Variants in KNSTRN observed in about 807,000 individuals in gnomAD.
The protein encoded by KNSTRN is small kinetochore-associated protein.
KNSTRN carries 38 observed loss-of-function variants against 44.7 expected under a neutral mutation model. That is an observed-to-expected ratio of 0.85 (90% CI 0.66 to 1.11). KNSTRN has a LOEUF of 1.11. Among genes scored for constraint, KNSTRN ranks in the 50% most tolerant of loss-of-function variants. The probability of loss-of-function intolerance (pLI) is 0.00; values close to 1 mark genes in which losing one functional copy is unlikely to be tolerated. For missense variants in KNSTRN, 406 were observed against 375.8 expected (o/e 1.08, Z -0.66); for synonymous variants, 158 against 148.1 (o/e 1.07, Z -0.48).
At chr15:40,391,840 C>A (rs916673453) in intron 7 of KNSTRN, 109 bp from the exon 8 acceptor site, 1 of 834,242 alleles carries the variant, frequency 1.2e-6, no homozygotes, top group Non-Finnish European at 1.9e-6. Context: ...TATCAAATTT[C>A]TCTCCTGACT....
intron 6 of KNSTRN, among the ~76,000 whole-genome samples, 179 bp downstream of exon 6, chr15:40,390,108 C>T (rs1461298509): frequency 6.6e-6 from 1 of 152,200 alleles, no homozygotes. Context: ...TTTGCCTGGC[C>T]AATAGGATTT....
intron 4 of KNSTRN, 161 bp downstream of exon 4, chr15:40,387,367 T>A: frequency 1.5e-6 from 1 of 683,092 alleles, no homozygotes; most frequent in Non-Finnish European, 2.7e-6. Flanking sequence ...CACAGCTAGG[T>A]GTAAGAACCA....
At chr15:40,391,619 G>C in intron 7 of KNSTRN, 65 bp downstream of exon 7, 1 of 1,325,420 alleles carries the variant, frequency 7.5e-7, no homozygotes. Context: ...AATCTAAGAA[G>C]GTCTCTGCTA....
rs201814444 is a variant in KNSTRN, at chr15:40,393,493, A to C, written c.847A>C (p.Lys283Gln). Residue 283 changes from lysine to glutamine, a missense_variant, in exon 9 of 9, where the codon AAA becomes CAA. Coordinates refer to ENST00000249776, the MANE Select transcript of KNSTRN (RefSeq NM_033286.4). ...GGCCTTAAAGGTAAAGCTGGAGATG[A>C]AAGAGGAAAGAGTCCGATTCCTAGA... Reference protein sequence around the residue: ...LQALKVKLEMKEERVRFLEQQ... With the variant: ...LQALKVKLEMQEERVRFLEQQ... The C allele has an allele frequency of 4.5e-5, 72 of 1,613,734 alleles. No individual in the cohort carries two copies. Among genetic ancestry groups the C allele is most frequent in the Non-Finnish European group, 5.9e-5 (70 of 1,179,940 alleles).
At chr15:40,392,980 T>C (rs1890026924) in intron 8 of KNSTRN, among the ~76,000 whole-genome samples, 1 of 151,340 alleles carries the variant, frequency 6.6e-6, no homozygotes, top group Non-Finnish European at 1.5e-5. Context: ...AGTCTTCATT[T>C]GGATTTTAGC....
At chr15:40,392,563 A>G (rs960075189) in intron 8 of KNSTRN, among the ~76,000 whole-genome samples, 1 of 152,198 alleles carries the variant, frequency 6.6e-6, no homozygotes, top group African/African-American at 2.4e-5. Context: ...GTGGTGGTAC[A>G]TACCTGTAGT....
rs73399322 is a variant in KNSTRN, at chr15:40,382,977, A to G, written c.142A>G (p.Thr48Ala). ...GGCGGCCGACTTAGCCGGTGGCACG[A>G]CAGTTGCTGCAGGGAATCTTTTAAA... ...TQAADLAGGT[T>A]VAAGNLLNES... Residue 48 changes from threonine to alanine, a missense_variant, in exon 1 of 9, where the codon ACA becomes GCA. Transcript: ENST00000249776. The G allele has an allele frequency of 2.3e-4, 364 of 1,612,194 alleles. No individual in the cohort carries two copies. The African/African-American group carries it at 4.6e-3, about 20-fold the overall frequency.
chr15:40,391,737 G>A, intron 7 of KNSTRN, 183 bp downstream of exon 7: 1 of 665,042 alleles, frequency 1.5e-6, no homozygotes, highest in South Asian at 2.0e-5. Flanking sequence ...GTAGCTTTGT[G>A]CTTACAAATA....
chr15:40,385,632 C>G (rs1209451462), intron 2 of KNSTRN, among the ~76,000 whole-genome samples: 1 of 152,168 alleles, frequency 6.6e-6, no homozygotes, highest in Non-Finnish European at 1.5e-5. Context: ...GGAAGACATT[C>G]TAGTAAAAAC....
In KNSTRN at chr15:40,393,861, T is replaced by G. The variant is rs1890045287; in HGVS notation, c.*264T>G. 3.9e-6 allele frequency: 1 copy of G among 253,592 alleles called. No individual in the cohort carries two copies. The highest frequency in any genetic ancestry group is 5.2e-5 in the Admixed American group (1 of 19,278). 15.7% of individuals were successfully genotyped at this position (253,592 alleles called of 1,614,324 possible). A position where few individuals can be genotyped will look rare whatever the true frequency, so the allele number is the denominator to read the frequency against. On this transcript the variant is annotated 3_prime_UTR_variant, in exon 9 of 9. Transcript: ENST00000249776. ...GAGAGGGGAGCCTAGGAGCTTGGAT[T>G]GACCTTCTAGTCAACCACCTGACTT...
Position 40,386,488 on chromosome 15 carries a change from A to C in KNSTRN, c.431A>C (p.Glu144Ala). 6.2e-7 allele frequency: 1 copy of C among 1,614,100 alleles called. No individual in the cohort carries two copies. Reference protein sequence around the residue: ...DVTKITKLRRENGQMKATDTA... With the variant: ...DVTKITKLRRANGQMKATDTA... ...ACAAAAATCACCAAACTGAGACGAG[A>C]GAATGGGTGAGAACGGATCATTAGT... is the stretch of plus-strand genomic sequence containing the variant. The change falls in exon 3 of 9, where the codon GAG becomes GCG. Residue 144 changes from glutamate to alanine, a missense_variant. Coordinates refer to ENST00000249776, the MANE Select transcript of KNSTRN (RefSeq NM_033286.4).
chr15:40,391,257 G>C (rs547515028), intron 6 of KNSTRN, among the ~76,000 whole-genome samples: 1 of 152,308 alleles, frequency 6.6e-6, no homozygotes, highest in Non-Finnish European at 1.5e-5. Context: ...TAAGGAGAAA[G>C]TATACCGAAT....
At chr15:40,387,023 A>C (rs1566922607) in intron 3 of KNSTRN, 136 bp from the exon 4 acceptor site, 1 of 706,224 alleles carries the variant, frequency 1.4e-6, no homozygotes, top group Non-Finnish European at 2.6e-6. Flanking sequence ...AGTCTCTCAG[A>C]GCTCTTAAGC....
intron 8 of KNSTRN, among the ~76,000 whole-genome samples, chr15:40,392,687 T>G (rs575985903): frequency 6.6e-6 from 1 of 152,208 alleles, no homozygotes; most frequent in Non-Finnish European, 1.5e-5. Flanking sequence ...CTCGGCTCAC[T>G]GCAACCTCCG....
At chr15:40,389,471 T>C (rs755627160) in intron 4 of KNSTRN, 35 bp from the exon 5 acceptor site, 1 of 1,541,502 alleles carries the variant, frequency 6.5e-7, no homozygotes, top group Non-Finnish European at 9.0e-7. Context: ...TGTTAACCCT[T>C]TTATCTTTTC....
intron 3 of KNSTRN, chr15:40,386,741 T>C: frequency 1.9e-6 from 1 of 532,800 alleles, no homozygotes; most frequent in South Asian, 2.3e-5. Context: ...AGCATACAAG[T>C]GGCAGCACTG....
intron 8 of KNSTRN, chr15:40,393,102 G>A: frequency 7.3e-7 from 1 of 1,363,718 alleles, no homozygotes; most frequent in Non-Finnish European, 1.0e-6. Context: ...GTTGGGAATT[G>A]AGAACTATAT....
In KNSTRN at chr15:40,391,496, T is replaced by C; in HGVS notation, c.689T>C (p.Leu230Ser). ...TTGACTTTGTTGTATCCATCAGCTT[T>C]AGGCAGTGAGACCCTGGCATCACGA... Reference protein sequence around the residue: ...ILESKGLDPALGSETLASRQE... With the variant: ...ILESKGLDPASGSETLASRQE... The change falls in exon 7 of 9, where the codon TTA becomes TCA. Residue 230 changes from leucine to serine, a missense_variant. By Grantham distance (145) the Leu-to-Ser change is moderately radical. Coordinates refer to ENST00000249776, the MANE Select transcript of KNSTRN (RefSeq NM_033286.4). 1 of 1,613,702 alleles carries C rather than the reference T, an allele frequency of 6.2e-7. No individual in the cohort carries two copies. The highest frequency in any genetic ancestry group is 2.2e-5 in the East Asian group (1 of 44,878).
intron 4 of KNSTRN, among the ~76,000 whole-genome samples, chr15:40,388,689 C>T (rs1456987215): frequency 3.2e-5 from 4 of 124,856 alleles, no homozygotes; most frequent in African/African-American, 6.1e-5. Flanking sequence ...AGCGAGACTC[C>T]ATCTCAAAAA....
Sources: gnomAD v4.1 joint callset for allele counts (sites outside exome capture counted in the v4.1 genomes callset) on GRCh38, gnomAD v4.1.1 for gene constraint, MANE v1.5 for transcripts, NCBI Gene and HGNC (gene_info 2026-07-23, HGNC 2026-07-21) for gene names.